SLC29A4: variants seen among roughly 807,000 people sequenced by gnomAD.
The protein encoded by SLC29A4 is solute carrier family 29 member 4.
In SLC29A4, 36 loss-of-function variants were observed where a neutral mutation model predicts 43.9. The ratio of observed to expected loss-of-function variants is 0.82; its 90% CI spans 0.63 to 1.08. The LOEUF is 1.08. Ranked by LOEUF, SLC29A4 falls within the 50% of genes least tolerant of loss-of-function variation. The pLI is 0.00. For synonymous variants in SLC29A4, 491 were observed against 338.0 expected, an observed-to-expected ratio of 1.45 and a Z score of -4.97; for missense variants, 869 against 755.3, an observed-to-expected ratio of 1.15 and a Z score of -1.77.
chr7:5,300,753 G>C, intron 10 of SLC29A4, 91 bp downstream of exon 10: 1 of 1,509,324 alleles, frequency 6.6e-7, no homozygotes, highest in Non-Finnish European at 8.8e-7. Flanking sequence ...GCAGGAAGGT[G>C]CATTTGGGTT....
At chr7:5,299,201 C>T (rs373160536) in intron 8 of SLC29A4, 39 bp from the exon 9 acceptor site, 30 of 1,599,118 alleles carry the variant, frequency 1.9e-5, no homozygotes, top group South Asian at 1.0e-4. Flanking sequence ...CAGGGGTCCC[C>T]GTGGGCGCTG....
intron 2 of SLC29A4, among the ~76,000 whole-genome samples, chr7:5,290,163 C>T (rs558288959): frequency 1.3e-5 from 2 of 151,000 alleles, no homozygotes; most frequent in African/African-American, 4.9e-5. Context: ...ACGCCATTCT[C>T]CTGCCTCAGC....
rs1387546645 is a variant in SLC29A4 at position 5,303,775 on chromosome 7, G to C, written c.*836G>C. 1.3e-5 allele frequency: 2 copies of C among 152,244 alleles called. No homozygotes were observed. Among genetic ancestry groups the C allele is most frequent in the African/African-American group, 4.8e-5 (2 of 41,436 alleles). 9.4% of individuals were successfully genotyped at this position (152,244 alleles called of 1,614,324 possible). A position where few individuals can be genotyped will look rare whatever the true frequency, so the allele number is the denominator to read the frequency against. On this transcript the variant is annotated 3_prime_UTR_variant, in exon 11 of 11. Coordinates refer to ENST00000396872, the MANE Select transcript of SLC29A4 (RefSeq NM_153247.4). ...TGACCTAGGTCTTGACCCTCATCCA[G>C]CAAGGGACTCGACAGACCCAAGGGT...
chr7:5,302,459 C>T (rs34283825), intron 10 of SLC29A4, among the ~76,000 whole-genome samples: 30,077 of 152,120 alleles, frequency 0.2, 3,543 homozygotes, highest in Non-Finnish European at 0.25. Flanking sequence ...GGGAGGATCG[C>T]GTGAGCCCAG....
intron 6 of SLC29A4, among the ~76,000 whole-genome samples, 174 bp from the exon 7 acceptor site, chr7:5,296,762 T>C (rs1477068120): frequency 1.7e-5 from 2 of 114,756 alleles, no homozygotes; most frequent in Admixed American, 8.7e-5. Flanking sequence ...GGGCGGGGCC[T>C]GTGGGTGGGG....
At chr7:5,290,051 A>ACT (rs1562443470) in intron 2 of SLC29A4, among the ~76,000 whole-genome samples, 3 of 69,062 alleles carry the variant, frequency 4.3e-5, no homozygotes, top group African/African-American at 1.3e-4. Flanking sequence ...ATGCCCAGCT[A>ACT]ATTTTTTTTT....
Position 5,287,834 on chromosome 7 carries a change from C to T in SLC29A4, c.18C>T (p.Ser6=). The change falls in exon 2 of 11, where the codon AGC becomes AGT. Residue 6 remains serine, a synonymous_variant. Transcript: ENST00000396872. ...AGGCTGCCATGGGCTCCGTGGGGAG[C>T]CAGCGCCTTGAGGAGCCCAGCGTGG... MGSVG[S]QRLEEPSVAG... The T allele has an allele frequency of 1.9e-6, 3 of 1,611,520 alleles. No homozygotes were observed. Among genetic ancestry groups the T allele is most frequent in the Non-Finnish European group, 1.7e-6 (2 of 1,179,758 alleles).
intron 5 of SLC29A4, among the ~76,000 whole-genome samples, chr7:5,292,172 A>G (rs1193206312): frequency 1.3e-5 from 2 of 152,174 alleles, no homozygotes; most frequent in African/African-American, 4.8e-5. Flanking sequence ...GTGCAGTGGC[A>G]TGATCATAGC....
At chr7:5,288,117 G>A in intron 2 of SLC29A4, 132 bp downstream of exon 2, 1 of 1,181,944 alleles carries the variant, frequency 8.5e-7, no homozygotes, top group Non-Finnish European at 1.2e-6. Context: ...CTGTCAGTGT[G>A]GATTAGATCT....
At chr7:5,295,773 C>T (rs999990169) in intron 6 of SLC29A4, among the ~76,000 whole-genome samples, 1 of 91,652 alleles carries the variant, frequency 1.1e-5, no homozygotes, top group Non-Finnish European at 2.6e-5. Flanking sequence ...TCCAGACTCC[C>T]ACGTGGGAGG....
intron 1 of SLC29A4, among the ~76,000 whole-genome samples, chr7:5,285,216 G>A (rs552786153): frequency 6.6e-6 from 1 of 152,074 alleles, no homozygotes; most frequent in Non-Finnish European, 1.5e-5. Flanking sequence ...AGCCACCCTC[G>A]TTCAAGCCCA....
intron 10 of SLC29A4, among the ~76,000 whole-genome samples, chr7:5,300,999 C>G (rs961749054): frequency 6.6e-6 from 1 of 152,192 alleles, no homozygotes; most frequent in Non-Finnish European, 1.5e-5. Flanking sequence ...TGGCTCGTAC[C>G]TGCAATCCCA....
chr7:5,288,530 G>C (rs984906434), intron 2 of SLC29A4, among the ~76,000 whole-genome samples: 1 of 151,810 alleles, frequency 6.6e-6, no homozygotes, highest in Non-Finnish European at 1.5e-5. Context: ...CTGACCTCAT[G>C]ATCCGCCCGC....
Position 5,294,842 on chromosome 7 carries a change from C to G in SLC29A4, c.545-18C>G. 9.5e-7 allele frequency: 1 copy of G among 1,053,554 alleles called. No homozygotes were observed. The allele number at this position is 1,053,554 out of a possible 1,614,324, so 65.3% of individuals were successfully genotyped here. A position where few individuals can be genotyped will look rare whatever the true frequency, so the allele number is the denominator to read the frequency against. On this transcript the variant is annotated intron_variant, in intron 5 of 10. Transcript: ENST00000396872. ...TGATAATGGTGCCTCTGGGTTGTTC[C>G]TCTCTCTCTCTCTTAAGTGCAGCAA...
At chr7:5,284,874 G>T (rs751586502) in intron 1 of SLC29A4, among the ~76,000 whole-genome samples, 1 of 152,226 alleles carries the variant, frequency 6.6e-6, no homozygotes, top group African/African-American at 2.4e-5. Context: ...TGGCCTCCGG[G>T]CAAGGCAGAA....
At position 5,306,770 on chromosome 7, in the gene SLC29A4, A is replaced by AAAT. The variant is rs1395810194; in HGVS notation, c.*3834_*3836dup. 2 of 152,156 alleles carry AAAT rather than the reference A, an allele frequency of 1.3e-5. No individual in the cohort carries two copies. Among genetic ancestry groups the AAAT allele is most frequent in the Non-Finnish European group, 2.9e-5 (2 of 68,022 alleles). 9.4% of individuals were successfully genotyped at this position (152,156 alleles called of 1,614,324 possible). A position where few individuals can be genotyped will look rare whatever the true frequency, so the allele number is the denominator to read the frequency against. ...GACACCACCCCTACTCCAGCCCCTG[A>AAAT]AATAAACCACTCCAGACAATTTTAT... On this transcript the variant is annotated 3_prime_UTR_variant, in exon 11 of 11. Coordinates refer to ENST00000396872, the MANE Select transcript of SLC29A4 (RefSeq NM_153247.4).
chr7:5,297,240 T>A (rs754774818), intron 7 of SLC29A4, 42 bp downstream of exon 7: 2 of 1,396,806 alleles, frequency 1.4e-6, no homozygotes, highest in Non-Finnish European at 1.8e-6. Flanking sequence ...CTCTGTCCCC[T>A]TCTCTGTCCC....
chr7:5,300,151 G>C (rs1302870615), intron 9 of SLC29A4, among the ~76,000 whole-genome samples: 4 of 152,234 alleles, frequency 2.6e-5, no homozygotes, highest in Non-Finnish European at 4.4e-5. Context: ...AGGATGGCTT[G>C]AGCCCGGGAG....
chr7:5,285,314 G>T (rs1315083354), intron 1 of SLC29A4, among the ~76,000 whole-genome samples: 1 of 150,102 alleles, frequency 6.7e-6, no homozygotes, highest in Admixed American at 6.7e-5. Context: ...GGCCAGGGCT[G>T]ACGAGGGGCA....
Sources: gnomAD v4.1 joint callset for allele counts (sites outside exome capture counted in the v4.1 genomes callset) on GRCh38, gnomAD v4.1.1 for gene constraint, MANE v1.5 for transcripts, NCBI Gene and HGNC (gene_info 2026-07-23, HGNC 2026-07-21) for gene names.